LARGE1: variants seen among roughly 807,000 people sequenced by gnomAD.
The protein encoded by LARGE1 is xylosyl- and glucuronyltransferase LARGE1.
A neutral mutation model predicts 87.6 loss-of-function variants in LARGE1; 43 were observed. The observed-to-expected ratio is 0.49, with a 90% CI of 0.38 to 0.63. The LOEUF is 0.63. Ranked by LOEUF, LARGE1 falls within the 30% of genes least tolerant of loss-of-function variation. The pLI, the probability that LARGE1 is intolerant of heterozygous loss-of-function variation, is 0.00. For synonymous variants in LARGE1, 434 were observed against 394.6 expected (o/e 1.10, Z -1.18); for missense variants, 802 against 1,000.2 (o/e 0.80, Z 2.67).
intron 12 of LARGE1, among the ~76,000 whole-genome samples, chr22:33,296,347 G>A (rs1933251839): frequency 6.6e-6 from 1 of 152,170 alleles, no homozygotes; most frequent in Admixed American, 6.5e-5. Flanking sequence ...CAGCTGTGCT[G>A]TGTGACTTTG....
intron 6 of LARGE1, among the ~76,000 whole-genome samples, chr22:33,489,308 T>C (rs1353713306): frequency 6.6e-6 from 1 of 152,072 alleles, no homozygotes; most frequent in Admixed American, 6.5e-5. Flanking sequence ...AGATGTTACC[T>C]TCCCAGGTCT....
chr22:33,634,618 GA>G (rs35530443), intron 3 of LARGE1, among the ~76,000 whole-genome samples: 75,425 of 151,144 alleles, frequency 0.5, 20,801 homozygotes, highest in Middle Eastern at 0.67. Context: ...TTCAGGGTGA[GA>G]AAAAATGGAA....
At chr22:33,477,231 T>C (rs754917551) in intron 6 of LARGE1, among the ~76,000 whole-genome samples, 1 of 152,168 alleles carries the variant, frequency 6.6e-6, no homozygotes, top group South Asian at 2.1e-4. Flanking sequence ...GGAGATCAAG[T>C]GACTATAATT....
intron 3 of LARGE1, among the ~76,000 whole-genome samples, chr22:33,631,946 T>C (rs1475723486): frequency 6.6e-6 from 1 of 152,188 alleles, no homozygotes; most frequent in Non-Finnish European, 1.5e-5. Context: ...GGGAGCAGTG[T>C]GGTAAATGCA....
chr22:33,759,310 C>T (rs572458605), intron 2 of LARGE1, among the ~76,000 whole-genome samples: 1 of 152,326 alleles, frequency 6.6e-6, no homozygotes, highest in Admixed American at 6.5e-5. Context: ...GTGTGACACC[C>T]TGTCAAATCC....
rs2077160206 is a variant in LARGE1, at chr22:33,540,413, T to C, written c.787+24435A>G. On this transcript the variant is annotated intron_variant, in intron 6 of 14. Coordinates refer to ENST00000397394, the MANE Select transcript of LARGE1 (RefSeq NM_133642.5). ...CAGCCCTGACCTTTTCTGGTATTTA[T>C]GATGTTGGATTGGATTTTGATCACT... is the stretch of plus-strand genomic sequence containing the variant. Among the ~76,000 whole-genome samples the C allele has an allele frequency of 3.3e-5, 5 of 152,204 alleles. 1 individual carries two copies. In the South Asian group the frequency reaches 1.0e-3, roughly 32 times the overall value.
chr22:33,823,163 G>T (rs143199819), intron 1 of LARGE1, among the ~76,000 whole-genome samples: 46 of 152,308 alleles, frequency 3.0e-4, no homozygotes, highest in African/African-American at 1.1e-3. Flanking sequence ...AGAATAACAA[G>T]TCATGACTCA....
At chr22:33,635,526 T>C (rs1306939174) in intron 3 of LARGE1, among the ~76,000 whole-genome samples, 2 of 152,160 alleles carry the variant, frequency 1.3e-5, no homozygotes, top group Non-Finnish European at 1.5e-5. Context: ...TCTTGGATCC[T>C]CAGCCACTGC....
intron 2 of LARGE1, among the ~76,000 whole-genome samples, chr22:33,678,802 G>C (rs1337857098): frequency 6.6e-6 from 1 of 152,172 alleles, no homozygotes; most frequent in Non-Finnish European, 1.5e-5. Flanking sequence ...GCGCATCTGC[G>C]ACCGTTTTGC....
chr22:33,513,902 G>A (rs940406211), intron 6 of LARGE1, among the ~76,000 whole-genome samples: 1 of 150,944 alleles, frequency 6.6e-6, no homozygotes, highest in Non-Finnish European at 1.5e-5. Flanking sequence ...TAGTGTTGTG[G>A]TCCCATAAGA....
intron 11 of LARGE1, among the ~76,000 whole-genome samples, chr22:33,304,846 A>G (rs1382329334): frequency 1.3e-5 from 2 of 152,200 alleles, no homozygotes; most frequent in African/African-American, 4.8e-5. Context: ...CTCTCTCCAC[A>G]AAGGTATAAA....
rs371926204 is a variant in LARGE1 at position 33,435,222 on chromosome 22, G to A, written c.788-2957C>T. Among the ~76,000 whole-genome samples the A allele has an allele frequency of 5.9e-5, 9 of 152,010 alleles. No individual in the cohort carries two copies. The South Asian group carries it at 1.0e-3, about 18-fold the overall frequency. On this transcript the variant is annotated intron_variant, in intron 6 of 14. Coordinates refer to ENST00000397394, the MANE Select transcript of LARGE1 (RefSeq NM_133642.5). Reference sequence around the variant, plus strand: ...TCGCCATGTTGACCAGGCTGATCTCGAACTCCTAACCTCAGGCGATCCTCC... The same window carrying A: ...TCGCCATGTTGACCAGGCTGATCTCAAACTCCTAACCTCAGGCGATCCTCC...
At chr22:33,801,806 C>A (rs1027625757) in intron 1 of LARGE1, among the ~76,000 whole-genome samples, 3 of 152,162 alleles carry the variant, frequency 2.0e-5, no homozygotes, top group South Asian at 2.1e-4. Flanking sequence ...TTACCTGATA[C>A]CCCCCGCTTC....
intron 7 of LARGE1, among the ~76,000 whole-genome samples, chr22:33,394,910 G>T (rs1481527466): frequency 6.6e-6 from 1 of 152,000 alleles, no homozygotes; most frequent in South Asian, 2.1e-4. Flanking sequence ...GTGAAAACCT[G>T]GGAAGATCCC....
intron 6 of LARGE1, among the ~76,000 whole-genome samples, chr22:33,441,924 T>C (rs207477962): frequency 1.3e-5 from 2 of 152,220 alleles, no homozygotes; most frequent in African/African-American, 4.8e-5. Context: ...TTTTGATTGC[T>C]TGGGTTTCAG....
intron 11 of LARGE1, among the ~76,000 whole-genome samples, chr22:33,230,904 G>A (rs2145654238): frequency 6.6e-6 from 1 of 152,280 alleles, no homozygotes; most frequent in East Asian, 1.9e-4. Flanking sequence ...CTATAGTTCA[G>A]ACTTAGATTG....
intron 5 of LARGE1, among the ~76,000 whole-genome samples, chr22:33,600,295 A>G (rs572923253): frequency 9.4e-4 from 143 of 152,312 alleles, no homozygotes; most frequent in Middle Eastern, 3.4e-3. Context: ...TTCTTTTAAA[A>G]ATGTTTAGCA....
chr22:33,485,967 C>T (rs1602066430), intron 6 of LARGE1, among the ~76,000 whole-genome samples: 1 of 152,268 alleles, frequency 6.6e-6, no homozygotes, highest in South Asian at 2.1e-4. Flanking sequence ...ATACATACGC[C>T]CTGATTATCT....
At chr22:33,406,285 T>C (rs1007389063) in intron 7 of LARGE1, among the ~76,000 whole-genome samples, 2 of 151,734 alleles carry the variant, frequency 1.3e-5, no homozygotes, top group Non-Finnish European at 3.0e-5. Context: ...CCCCTCCACC[T>C]GCAGGTCTTC....
Sources: allele counts gnomAD v4.1 joint callset (sites outside exome capture counted in the v4.1 genomes callset), GRCh38; gene constraint gnomAD v4.1.1; transcripts MANE v1.5; gene names NCBI Gene and HGNC (gene_info 2026-07-23, HGNC 2026-07-21).